The following STAB2 variants were observed in gnomAD, a reference collection of about 807,000 sequenced individuals.
The protein encoded by STAB2 is stabilin-2.
A neutral mutation model predicts 338.1 loss-of-function variants in STAB2; 288 were observed. The ratio of observed to expected loss-of-function variants is 0.85; its 90% CI spans 0.77 to 0.94. STAB2 has a LOEUF of 0.94. Among genes scored for constraint, STAB2 ranks in the 40% least tolerant of loss-of-function variants. The probability of loss-of-function intolerance (pLI) is 0.00; values close to 1 mark genes in which losing one functional copy is unlikely to be tolerated. For missense variants in STAB2, 3,141 were observed against 3,210.1 expected (o/e 0.98, Z 0.52); for synonymous variants, 1,202 against 1,193.3 (o/e 1.01, Z -0.15).
rs1875660233 is a variant in STAB2 at position 103,670,491 on chromosome 12, A to G, written c.2260-205A>G. Among the ~76,000 whole-genome samples, 6 of 152,286 alleles carry G rather than the reference A, an allele frequency of 3.9e-5. No individual in the cohort carries two copies. In the South Asian group the frequency reaches 1.2e-3, roughly 32 times the overall value. On this transcript the variant is annotated intron_variant, in intron 21 of 68. Transcript: ENST00000388887. Reference sequence around the variant, plus strand: ...ATGCCCCCTTGAGTGACTTCCCTTAAAGTTCTAAATCCTGGCTTGGGATTC... The same window carrying G: ...ATGCCCCCTTGAGTGACTTCCCTTAGAGTTCTAAATCCTGGCTTGGGATTC...
At chr12:103,712,968 G>A (rs1880003349) in intron 41 of STAB2, among the ~76,000 whole-genome samples, 3 of 152,210 alleles carry the variant, frequency 2.0e-5, no homozygotes, top group Admixed American at 2.0e-4. Flanking sequence ...TTGAGGTTAA[G>A]TGAGCTCTCT....
chr12:103,747,764 G>A (rs1883185104), intron 58 of STAB2, among the ~76,000 whole-genome samples: 1 of 152,144 alleles, frequency 6.6e-6, no homozygotes, highest in African/African-American at 2.4e-5. Context: ...GGAGGCCGGG[G>A]TGGGCAGATC....
intron 3 of STAB2, among the ~76,000 whole-genome samples, chr12:103,603,963 T>C (rs974984395): frequency 2.6e-5 from 4 of 152,218 alleles, no homozygotes; most frequent in African/African-American, 9.6e-5. Context: ...AAGTTCTTCA[T>C]GGCTTTTGGT....
intron 22 of STAB2, 67 bp downstream of exon 22, chr12:103,670,874 G>GCACC: frequency 6.1e-6 from 8 of 1,308,660 alleles, no homozygotes; most frequent in Non-Finnish European, 7.6e-6. Context: ...GCAGCAGGGT[G>GCACC]CTGGTGCAGG....
chr12:103,603,197 A>G (rs916043089), intron 3 of STAB2, among the ~76,000 whole-genome samples: 4 of 151,994 alleles, frequency 2.6e-5, no homozygotes, highest in African/African-American at 9.7e-5. Flanking sequence ...CAGCCTCCCG[A>G]GTAGCTGGGA....
chr12:103,609,566 A>T (rs1377633970), intron 3 of STAB2, among the ~76,000 whole-genome samples: 4 of 152,302 alleles, frequency 2.6e-5, no homozygotes, highest in Non-Finnish European at 5.9e-5. Flanking sequence ...GAAGTTGCTT[A>T]TCAGCTTAAG....
intron 17 of STAB2, 101 bp from the exon 18 acceptor site, chr12:103,662,745 A>C: frequency 7.1e-7 from 1 of 1,407,674 alleles, no homozygotes. Context: ...GATGTTGAGG[A>C]CTTTTTAGCA....
At chr12:103,706,732 C>G (rs746143261) in intron 37 of STAB2, 60 bp from the exon 38 acceptor site, 6 of 1,599,472 alleles carry the variant, frequency 3.8e-6, no homozygotes, top group Non-Finnish European at 4.3e-6. Flanking sequence ...ATTTCTACAC[C>G]GAGGCTGGAC....
At chr12:103,607,627 A>T (rs377242451) in intron 3 of STAB2, among the ~76,000 whole-genome samples, 1 of 151,980 alleles carries the variant, frequency 6.6e-6, no homozygotes, top group Non-Finnish European at 1.5e-5. Flanking sequence ...ATGAGTGAGA[A>T]CATGTGGTGT....
At chr12:103,733,705 C>T (rs1170030686) in intron 51 of STAB2, among the ~76,000 whole-genome samples, 1 of 151,930 alleles carries the variant, frequency 6.6e-6, no homozygotes, top group African/African-American at 2.4e-5. Context: ...TAGGAATAAG[C>T]ATGATATAGG....
chr12:103,762,792 G>A (rs544261370), intron 67 of STAB2, among the ~76,000 whole-genome samples: 1 of 152,332 alleles, frequency 6.6e-6, no homozygotes, highest in East Asian at 1.9e-4. Flanking sequence ...AGAACTGGGG[G>A]ACAGGGCTAG....
chr12:103,717,829 T>C lies in STAB2; in HGVS notation c.4671T>C (p.Asn1557=), dbSNP rs1477790491. 1 of 1,614,132 alleles carries C rather than the reference T, an allele frequency of 6.2e-7. No homozygotes were observed. Among genetic ancestry groups the C allele is most frequent in the Middle Eastern group, 1.6e-4 (1 of 6,062 alleles). Residue 1557 remains asparagine, a synonymous_variant, in exon 44 of 69, where the codon AAT becomes AAC. Transcript: ENST00000388887. The stretch of plus-strand genomic sequence containing the variant: ...ATGGAAAGGTCTGCACACTCATCAA[T>C]GTCTGCTTAACTGTGAGTATGGCTC... ...TGDGKVCTLI[N]VCLTKNGGCS...
At position 103,709,525 on chromosome 12, in the gene STAB2, T is replaced by C. The variant is rs977170691; in HGVS notation, c.4288+989T>C. On this transcript the variant is annotated intron_variant, in intron 39 of 68. Transcript: ENST00000388887. ...TATCAGAGACTCCCCCTCTTCCGGGTTGGGAGCTGGGGAGGAGATCACAAG... is the reference window on the plus strand; with the variant it reads ...TATCAGAGACTCCCCCTCTTCCGGGCTGGGAGCTGGGGAGGAGATCACAAG... Among the ~76,000 whole-genome samples the C allele has an allele frequency of 1.6e-4, 25 of 152,248 alleles. 1 individual carries two copies. The highest frequency in any genetic ancestry group is 8.5e-4 in the Admixed American group (13 of 15,296).
chr12:103,737,460 G>A (rs1450861227), intron 52 of STAB2, among the ~76,000 whole-genome samples, 174 bp from the exon 53 acceptor site: 2 of 152,134 alleles, frequency 1.3e-5, no homozygotes, highest in Non-Finnish European at 2.9e-5. Context: ...TACAAGCTGG[G>A]TATTTGATAA....
chr12:103,618,858 C>G (rs1957252236), intron 3 of STAB2, among the ~76,000 whole-genome samples: 1 of 152,098 alleles, frequency 6.6e-6, no homozygotes, highest in Non-Finnish European at 1.5e-5. Context: ...TGTAATAATT[C>G]TCACGTGTCA....
At chr12:103,590,872 G>A (rs1257281313) in intron 1 of STAB2, 25 bp from the exon 2 acceptor site, 1 of 1,613,736 alleles carries the variant, frequency 6.2e-7, no homozygotes. Flanking sequence ...AGGAATTAAT[G>A]TTCTTTTTTT....
chr12:103,652,473 T>A, intron 11 of STAB2, 83 bp from the exon 12 acceptor site: 1 of 1,348,026 alleles, frequency 7.4e-7, no homozygotes, highest in African/African-American at 1.5e-5. Context: ...CTTTGATGTC[T>A]TTGATAATAA....
chr12:103,749,467 G>C (rs1156943107), intron 59 of STAB2, among the ~76,000 whole-genome samples: 1 of 152,116 alleles, frequency 6.6e-6, no homozygotes, highest in Non-Finnish European at 1.5e-5. Flanking sequence ...TGGGTAGAGA[G>C]TATAGGAGAG....
intron 27 of STAB2, 102 bp downstream of exon 27, chr12:103,685,186 G>C: frequency 8.9e-7 from 1 of 1,118,210 alleles, no homozygotes; most frequent in Admixed American, 2.1e-5. Context: ...TTTTGCTGCA[G>C]GAGATTTTAC....
Sources: allele counts gnomAD v4.1 joint callset (sites outside exome capture counted in the v4.1 genomes callset), GRCh38; gene constraint gnomAD v4.1.1; transcripts MANE v1.5; gene names NCBI Gene and HGNC (gene_info 2026-07-23, HGNC 2026-07-21).